The following RPTOR variants were observed in gnomAD, a reference collection of about 807,000 sequenced individuals.
The protein encoded by RPTOR is regulatory associated protein of MTOR complex 1, also known as regulatory-associated protein of mTOR.
In RPTOR, 21 loss-of-function variants were observed where a neutral mutation model predicts 169.9. The observed-to-expected ratio is 0.12, with a 90% CI of 0.09 to 0.18. The LOEUF (loss-of-function observed/expected upper bound fraction) is 0.18, where lower values mean the gene tolerates loss of function less well. Among genes scored for constraint, RPTOR ranks in the 10% least tolerant of loss-of-function variants. The pLI is 1.00. For missense variants in RPTOR, 1,133 were observed against 1,855.9 expected (o/e 0.61, Z 7.16); for synonymous variants, 732 against 753.2 (o/e 0.97, Z 0.46).
chr17:80,589,885 A>G (rs1020039700), intron 1 of RPTOR, among the ~76,000 whole-genome samples: 3 of 152,030 alleles, frequency 2.0e-5, no homozygotes, highest in African/African-American at 2.4e-5. Flanking sequence ...CCCCATCTTT[A>G]TACTTTCTCT....
chr17:80,915,215 A>C (rs2068658831), intron 21 of RPTOR, among the ~76,000 whole-genome samples: 1 of 149,244 alleles, frequency 6.7e-6, no homozygotes. Context: ...TGCACACTCC[A>C]GGGTCTCCTC....
chr17:80,740,711 G>A (rs1035086050), intron 5 of RPTOR, among the ~76,000 whole-genome samples: 5 of 151,614 alleles, frequency 3.3e-5, no homozygotes, highest in African/African-American at 1.2e-4. Flanking sequence ...TTTCATGCGA[G>A]AGAAAACAAA....
At position 80,947,575 on chromosome 17, in the gene RPTOR, T is replaced by G. The variant is rs2069118626; in HGVS notation, c.3265+224T>G. On this transcript the variant is annotated intron_variant, in intron 27 of 33. Transcript: ENST00000306801. The surrounding 1 kb of genome is among the most constrained non-coding windows in gnomAD (Gnocchi z 4.4). The stretch of plus-strand genomic sequence containing the variant: ...CATCCTTGAGGGTTCCAGGGACTTG[T>G]CTTCTCATCTCAGTCCTCTAGCCCT... Among the ~76,000 whole-genome samples the G allele has an allele frequency of 6.6e-6, 1 of 152,114 alleles. No individual in the cohort carries two copies. Among genetic ancestry groups the G allele is most frequent in the South Asian group, 2.1e-4 (1 of 4,812 alleles).
chr17:80,788,363 A>G lies in RPTOR; in HGVS notation c.831-3087A>G, dbSNP rs370310361. Reference sequence around the variant, plus strand: ...GGCGGGAGGCTGAGGCAGGAGAATCACTTGAACCCAGGAGGCAGAGGTTGC... The same window carrying G: ...GGCGGGAGGCTGAGGCAGGAGAATCGCTTGAACCCAGGAGGCAGAGGTTGC... On this transcript the variant is annotated intron_variant, in intron 6 of 33. Transcript: ENST00000306801. Among the ~76,000 whole-genome samples the G allele has an allele frequency of 2.3e-4, 35 of 152,184 alleles. No homozygotes were observed. The East Asian group carries it at 6.2e-3, about 27-fold the overall frequency.
intron 5 of RPTOR, among the ~76,000 whole-genome samples, chr17:80,733,571 C>T (rs1000876618): frequency 3.9e-5 from 6 of 152,098 alleles, no homozygotes; most frequent in Admixed American, 1.3e-4. Context: ...CTTGATTTGT[C>T]GTTTTTAGAT....
chr17:80,564,111 G>A (rs1297578504), intron 1 of RPTOR, among the ~76,000 whole-genome samples: 1 of 150,976 alleles, frequency 6.6e-6, no homozygotes, highest in Admixed American at 6.6e-5. Flanking sequence ...CGCCCAGGCT[G>A]GAGTGCAGTG....
At chr17:80,766,098 C>G (rs1339944049) in intron 6 of RPTOR, among the ~76,000 whole-genome samples, 2 of 152,138 alleles carry the variant, frequency 1.3e-5, no homozygotes, top group Non-Finnish European at 2.9e-5. Context: ...CTTTGTCACC[C>G]AGGCTGGAGT....
chr17:80,806,824 T>A (rs2067223157), intron 7 of RPTOR, among the ~76,000 whole-genome samples: 1 of 152,206 alleles, frequency 6.6e-6, no homozygotes, highest in African/African-American at 2.4e-5. Flanking sequence ...TAAATTCTCT[T>A]TTGCTTATAC....
intron 3 of RPTOR, among the ~76,000 whole-genome samples, chr17:80,693,420 G>A (rs2066009677): frequency 1.3e-5 from 2 of 152,244 alleles, no homozygotes; most frequent in Admixed American, 1.3e-4. Context: ...CCATCTGGAA[G>A]CAATAGCTTT....
At position 80,721,597 on chromosome 17, in the gene RPTOR, G is replaced by A. The variant is rs996579802; in HGVS notation, c.508-8963G>A. Among the ~76,000 whole-genome samples, 1 of 151,324 alleles carries A rather than the reference G, an allele frequency of 6.6e-6. No homozygotes were observed. Among genetic ancestry groups the A allele is most frequent in the African/African-American group, 2.5e-5 (1 of 40,624 alleles). On this transcript the variant is annotated intron_variant, in intron 4 of 33. Coordinates refer to ENST00000306801, the MANE Select transcript of RPTOR (RefSeq NM_020761.3). The surrounding 1 kb of genome is among the most constrained non-coding windows in gnomAD (Gnocchi z 4.7). ...CTCTTACCTCAGTCGGTGGGGCTGG[G>A]CAGCTGGGTGTCTCCAGCCCATCAT...
At chr17:80,800,531 C>A (rs772076050) in intron 7 of RPTOR, among the ~76,000 whole-genome samples, 2 of 152,186 alleles carry the variant, frequency 1.3e-5, no homozygotes, top group African/African-American at 4.8e-5. Flanking sequence ...TCTAATTAAG[C>A]TGCTGTGTCT....
At chr17:80,566,016 A>T (rs1001211358) in intron 1 of RPTOR, among the ~76,000 whole-genome samples, 3 of 152,214 alleles carry the variant, frequency 2.0e-5, no homozygotes, top group African/African-American at 7.2e-5. Context: ...ACTTTGATGG[A>T]CTTGAAGAAT....
intron 3 of RPTOR, among the ~76,000 whole-genome samples, chr17:80,697,557 G>A (rs1598232345): frequency 6.6e-6 from 1 of 152,164 alleles, no homozygotes; most frequent in African/African-American, 2.4e-5. Flanking sequence ...GGAGGGCGGC[G>A]TGATAGGTGC....
At chr17:80,910,036 G>A (rs1361871410) in intron 21 of RPTOR, among the ~76,000 whole-genome samples, 1 of 152,150 alleles carries the variant, frequency 6.6e-6, no homozygotes, top group East Asian at 1.9e-4. Context: ...CTCATGGGTT[G>A]TCACTCTACC....
intron 3 of RPTOR, among the ~76,000 whole-genome samples, chr17:80,681,520 C>T (rs2065897744): frequency 6.6e-6 from 1 of 151,996 alleles, no homozygotes; most frequent in Middle Eastern, 3.4e-3. Flanking sequence ...GCCGGTGGTG[C>T]GGTATCGAGG....
At chr17:80,865,741 C>T (rs1160696946) in intron 13 of RPTOR, among the ~76,000 whole-genome samples, 4 of 151,860 alleles carry the variant, frequency 2.6e-5, no homozygotes, top group Admixed American at 1.3e-4. Context: ...CAGTAACTGA[C>T]GGAACAAGCA....
chr17:80,606,494 C>T (rs770651267), intron 1 of RPTOR, among the ~76,000 whole-genome samples: 2 of 151,970 alleles, frequency 1.3e-5, no homozygotes, highest in Non-Finnish European at 2.9e-5. Flanking sequence ...AATTTTTTAC[C>T]TGATCTTTAA....
intron 2 of RPTOR, among the ~76,000 whole-genome samples, chr17:80,632,339 C>T (rs557268887): frequency 2.6e-4 from 40 of 152,324 alleles, no homozygotes; most frequent in African/African-American, 8.7e-4. Context: ...GGGGACGGGA[C>T]GCGCAGGCCC....
At chr17:80,937,945 C>A (rs1218999831) in intron 24 of RPTOR, among the ~76,000 whole-genome samples, 1 of 152,246 alleles carries the variant, frequency 6.6e-6, no homozygotes, top group Non-Finnish European at 1.5e-5. Context: ...CTGACACAGA[C>A]ACTTGGGGTG....
Sources: allele counts gnomAD v4.1 joint callset (sites outside exome capture counted in the v4.1 genomes callset), GRCh38; gene constraint gnomAD v4.1.1; non-coding constraint Gnocchi (gnomAD v3.1); transcripts MANE v1.5; gene names NCBI Gene and HGNC (gene_info 2026-07-23, HGNC 2026-07-21).